Variants in CELF4 observed in about 807,000 individuals in gnomAD.
CELF4 encodes CUG-BP- and ETR-3-like factor 4.
In CELF4, 18 loss-of-function variants were observed where a neutral mutation model predicts 59.9. The ratio of observed to expected loss-of-function variants is 0.30; its 90% CI spans 0.21 to 0.45. The LOEUF (loss-of-function observed/expected upper bound fraction) is 0.45. CELF4 is among the 20% of genes least tolerant of loss of function. CELF4 has a pLI of 1.00. For missense variants in CELF4, 456 were observed against 689.0 expected (o/e 0.66, Z 3.79); for synonymous variants, 261 against 267.1 (o/e 0.98, Z 0.22).
At chr18:37,499,314 A>G (rs911741770) in intron 1 of CELF4, among the ~76,000 whole-genome samples, 3 of 152,190 alleles carry the variant, frequency 2.0e-5, no homozygotes, top group East Asian at 1.9e-4. Context: ...TGCATCCCCA[A>G]AGAGGCACCT....
At chr18:37,319,043 T>C (rs967555485) in intron 3 of CELF4, among the ~76,000 whole-genome samples, 4 of 152,194 alleles carry the variant, frequency 2.6e-5, no homozygotes, top group African/African-American at 7.2e-5. Context: ...CTGGGGGATC[T>C]CCTCTCCGGA....
At chr18:37,422,407 C>A (rs2154594079) in intron 2 of CELF4, among the ~76,000 whole-genome samples, 1 of 152,334 alleles carries the variant, frequency 6.6e-6, no homozygotes, top group South Asian at 2.1e-4. Context: ...TGGCTCCCAG[C>A]TCCCCTCCCC....
At chr18:37,328,926 A>T (rs1332672708) in intron 2 of CELF4, among the ~76,000 whole-genome samples, 1 of 152,206 alleles carries the variant, frequency 6.6e-6, no homozygotes, top group African/African-American at 2.4e-5. Context: ...GTGTCATTAA[A>T]GTACTAAAAT....
chr18:37,284,550 C>T (rs1376524103), intron 3 of CELF4, among the ~76,000 whole-genome samples: 1 of 152,134 alleles, frequency 6.6e-6, no homozygotes, highest in Non-Finnish European at 1.5e-5. Context: ...TCACCCAGGC[C>T]CTACATGACA....
intron 2 of CELF4, among the ~76,000 whole-genome samples, chr18:37,328,222 T>C (rs1425404088): frequency 6.6e-6 from 1 of 152,202 alleles, no homozygotes; most frequent in Non-Finnish European, 1.5e-5. Flanking sequence ...AAGAATTCAC[T>C]GTGGCAGAAG....
At chr18:37,346,088 C>T (rs1441148617) in intron 2 of CELF4, among the ~76,000 whole-genome samples, 1 of 152,198 alleles carries the variant, frequency 6.6e-6, no homozygotes, top group Non-Finnish European at 1.5e-5. Context: ...GCCACAGAGG[C>T]CATTTCTGTA....
chr18:37,388,734 C>T (rs1042703330), intron 2 of CELF4, among the ~76,000 whole-genome samples: 1 of 152,140 alleles, frequency 6.6e-6, no homozygotes, highest in Non-Finnish European at 1.5e-5. Flanking sequence ...AGGGGGCCTC[C>T]CAGAGCCTCC....
At chr18:37,352,430 C>T (rs1338644041) in intron 2 of CELF4, among the ~76,000 whole-genome samples, 2 of 151,978 alleles carry the variant, frequency 1.3e-5, no homozygotes, top group Non-Finnish European at 2.9e-5. Context: ...ATCACTTGAG[C>T]CCGGGAATTC....
chr18:37,331,024 A>G (rs1453171647), intron 2 of CELF4, among the ~76,000 whole-genome samples: 1 of 152,122 alleles, frequency 6.6e-6, no homozygotes, highest in Admixed American at 6.5e-5. Context: ...TTTTTAATAA[A>G]TTTGGTCTCT....
At chr18:37,352,289 C>A (rs554285562) in intron 2 of CELF4, among the ~76,000 whole-genome samples, 1 of 152,314 alleles carries the variant, frequency 6.6e-6, no homozygotes, top group Admixed American at 6.5e-5. Context: ...GCTGGCACAG[C>A]CGTGAGAGCT....
chr18:37,342,610 G>A (rs2098097840), intron 2 of CELF4, among the ~76,000 whole-genome samples: 1 of 152,192 alleles, frequency 6.6e-6, no homozygotes, highest in South Asian at 2.1e-4. Context: ...TCTCCCCAGG[G>A]AGTGCAGGCC....
intron 3 of CELF4, among the ~76,000 whole-genome samples, chr18:37,319,383 A>G (rs544871): frequency 0.8 from 121,993 of 152,262 alleles, 49,291 homozygotes; most frequent in East Asian, 0.97. Context: ...CCTTAGGACC[A>G]GAGCACTCCA....
rs2154249231 is a variant in CELF4, at chr18:37,246,252, A to G, written c.*45-1055T>C. Among the ~76,000 whole-genome samples the G allele has an allele frequency of 6.6e-6, 1 of 152,372 alleles. No homozygotes were observed. The highest frequency in any genetic ancestry group is 1.9e-4 in the East Asian group (1 of 5,196). ...TTTTCACACTGTTGATTCAACAAACAGCAAACCGTACACAGCAGTCTAAAC... is the reference window on the plus strand; with the variant it reads ...TTTTCACACTGTTGATTCAACAAACGGCAAACCGTACACAGCAGTCTAAAC... On this transcript the variant is annotated intron_variant, in intron 12 of 12. Coordinates refer to ENST00000420428, the MANE Select transcript of CELF4 (RefSeq NM_020180.4). The surrounding 1 kb of genome is among the most constrained non-coding windows in gnomAD (Gnocchi z 5.3).
chr18:37,248,456 A>G (rs1172136152), intron 12 of CELF4, among the ~76,000 whole-genome samples: 1 of 152,010 alleles, frequency 6.6e-6, no homozygotes, highest in East Asian at 1.9e-4. Flanking sequence ...GCAGGGGGCC[A>G]TGTGCAAGGC....
At chr18:37,515,986 T>G (rs1384821660) in intron 1 of CELF4, among the ~76,000 whole-genome samples, 1 of 152,286 alleles carries the variant, frequency 6.6e-6, no homozygotes, top group South Asian at 2.1e-4. Flanking sequence ...AGGCACTTGA[T>G]GCACTTTGGT....
At chr18:37,480,150 T>A (rs1463720967) in intron 2 of CELF4, among the ~76,000 whole-genome samples, 1 of 152,166 alleles carries the variant, frequency 6.6e-6, no homozygotes, top group East Asian at 1.9e-4. Flanking sequence ...AGCAGTCCCA[T>A]GCTAATACAC....
At chr18:37,460,958 A>G (rs2099791754) in intron 2 of CELF4, among the ~76,000 whole-genome samples, 1 of 152,226 alleles carries the variant, frequency 6.6e-6, no homozygotes, top group Non-Finnish European at 1.5e-5. Flanking sequence ...AGGGAAGGAA[A>G]AACCAGCATC....
At chr18:37,554,289 C>T (rs570360075) in intron 1 of CELF4, among the ~76,000 whole-genome samples, 48 of 152,276 alleles carry the variant, frequency 3.2e-4, no homozygotes, top group African/African-American at 1.1e-3. Flanking sequence ...GCTCTTTGTC[C>T]CGCAGGCTGG....
At chr18:37,272,681 C>A (rs984433156) in intron 7 of CELF4, among the ~76,000 whole-genome samples, 1 of 151,874 alleles carries the variant, frequency 6.6e-6, no homozygotes, top group Non-Finnish European at 1.5e-5. Flanking sequence ...ATCATAGACA[C>A]CACAGGGAGA....
Sources: gnomAD v4.1 joint callset for allele counts (sites outside exome capture counted in the v4.1 genomes callset) on GRCh38, gnomAD v4.1.1 for gene constraint, Gnocchi (gnomAD v3.1) non-coding constraint, MANE v1.5 for transcripts, NCBI Gene and HGNC (gene_info 2026-07-23, HGNC 2026-07-21) for gene names.